The following CADM2 variants were observed in gnomAD, a reference collection of about 807,000 sequenced individuals.
CADM2 encodes cell adhesion molecule 2.
CADM2 carries 12 observed loss-of-function variants against 49.8 expected under a neutral mutation model. The ratio of observed to expected loss-of-function variants is 0.24; its 90% confidence interval spans 0.15 to 0.39. The LOEUF (loss-of-function observed/expected upper bound fraction) is 0.39. Ranked by LOEUF, CADM2 falls within the 10% of genes least tolerant of loss-of-function variation. The pLI is 1.00. For missense variants in CADM2, 378 were observed against 492.3 expected (o/e 0.77, Z 2.20); for synonymous variants, 214 against 175.4 (o/e 1.22, Z -1.74).
intron 1 of CADM2, among the ~76,000 whole-genome samples, chr3:85,517,058 C>T (rs890715594): frequency 1.3e-5 from 2 of 151,812 alleles, no homozygotes; most frequent in African/African-American, 4.8e-5. Context: ...AAGACAACTA[C>T]ACCACTCTGG....
intron 1 of CADM2, among the ~76,000 whole-genome samples, chr3:85,577,496 C>T (rs2062667799): frequency 6.6e-6 from 1 of 152,120 alleles, no homozygotes; most frequent in Admixed American, 6.5e-5. Flanking sequence ...CAGATGCAGC[C>T]CCCTCAACCT....
At chr3:84,962,662 A>G (rs916675106) in intron 1 of CADM2, among the ~76,000 whole-genome samples, 1 of 152,148 alleles carries the variant, frequency 6.6e-6, no homozygotes. Flanking sequence ...GCTAGTAGTT[A>G]TGACTAGGCA....
At chr3:85,328,900 C>CAA (rs11459054) in intron 1 of CADM2, among the ~76,000 whole-genome samples, 5,802 of 137,206 alleles carry the variant, frequency 0.042, 155 homozygotes, top group African/African-American at 0.064. Context: ...TGTCTTCCCT[C>CAA]AAAAAAAAAA....
At chr3:85,621,099 A>G (rs1199609271) in intron 1 of CADM2, among the ~76,000 whole-genome samples, 1 of 152,172 alleles carries the variant, frequency 6.6e-6, no homozygotes, top group African/African-American at 2.4e-5. Flanking sequence ...AAGTATAGTC[A>G]TATACCAATG....
chr3:85,615,224 G>A (rs763457710), intron 1 of CADM2, among the ~76,000 whole-genome samples: 3 of 151,632 alleles, frequency 2.0e-5, no homozygotes, highest in African/African-American at 4.8e-5. Flanking sequence ...GAGAGAGAGA[G>A]AAAGAGAGAA....
At chr3:85,494,047 A>G (rs2039784098) in intron 1 of CADM2, among the ~76,000 whole-genome samples, 1 of 152,212 alleles carries the variant, frequency 6.6e-6, no homozygotes, top group Non-Finnish European at 1.5e-5. Flanking sequence ...TTGGAGTCCC[A>G]ATACTTGTTA....
At chr3:85,224,195 G>A (rs959698501) in intron 1 of CADM2, among the ~76,000 whole-genome samples, 4 of 152,124 alleles carry the variant, frequency 2.6e-5, no homozygotes, top group African/African-American at 7.2e-5. Flanking sequence ...TTCCACAATG[G>A]TGGAACTAAT....
chr3:85,310,013 G>C (rs1463985648), intron 1 of CADM2, among the ~76,000 whole-genome samples: 1 of 152,148 alleles, frequency 6.6e-6, no homozygotes, highest in Admixed American at 6.5e-5. Context: ...ATTCTTCTTA[G>C]AGCTAAATTT....
chr3:85,906,791 CA>C (rs556506663), intron 5 of CADM2, among the ~76,000 whole-genome samples: 37 of 152,018 alleles, frequency 2.4e-4, no homozygotes, highest in Non-Finnish European at 4.9e-4. Flanking sequence ...CAGTTTAAAA[CA>C]AATACAAAAT....
At chr3:86,012,979 A>C in intron 8 of CADM2, 2 of 850,928 alleles carry the variant, frequency 2.4e-6, no homozygotes, top group Non-Finnish European at 3.9e-6. Context: ...TCTCAAAAAC[A>C]AAAACAAAAA....
intron 2 of CADM2, among the ~76,000 whole-genome samples, chr3:85,793,801 G>C (rs1291707965): frequency 2.0e-5 from 3 of 152,132 alleles, no homozygotes; most frequent in Non-Finnish European, 4.4e-5. Flanking sequence ...TATCACAGTT[G>C]TTTAGTCAGA....
intron 1 of CADM2, among the ~76,000 whole-genome samples, chr3:85,148,821 A>C (rs547267392): frequency 1.2e-4 from 19 of 152,180 alleles, no homozygotes; most frequent in Non-Finnish European, 2.6e-4. Flanking sequence ...CATTAAGTAT[A>C]AGCTGATACT....
chr3:85,311,388 T>TTATTA (rs776805946), intron 1 of CADM2, among the ~76,000 whole-genome samples: 104 of 148,578 alleles, frequency 7.0e-4, no homozygotes, highest in South Asian at 1.9e-3. Flanking sequence ...TATTATTATT[T>TTATTA]TTTTTGAAAC....
intron 1 of CADM2, among the ~76,000 whole-genome samples, chr3:85,348,255 G>T (rs2107226138): frequency 6.6e-6 from 1 of 151,880 alleles, no homozygotes; most frequent in East Asian, 1.9e-4. Context: ...CTCTAGGAAA[G>T]GCCATGCTTA....
At chr3:85,909,395 A>T (rs958329866) in intron 5 of CADM2, among the ~76,000 whole-genome samples, 31 of 113,672 alleles carry the variant, frequency 2.7e-4, no homozygotes, top group Non-Finnish European at 4.9e-4. Flanking sequence ...GAAAAATGTA[A>T]AATGAAATAT....
chr3:85,997,545 T>C lies in CADM2; in HGVS notation c.970+35898T>C, dbSNP rs189266216. On this transcript the variant is annotated intron_variant, in intron 8 of 9. Coordinates refer to ENST00000383699, the MANE Select transcript of CADM2 (RefSeq NM_001167675.2). ...ATTATAAGACAATGTCAAATAAAAA[T>C]AATAATTCATCTTTTTGGAAACAAC... Among the ~76,000 whole-genome samples, 420 of 152,252 alleles carry C rather than the reference T, an allele frequency of 2.8e-3. 1 individual carries two copies. The highest frequency in any genetic ancestry group is 9.9e-3 in the African/African-American group (411 of 41,560).
At chr3:85,264,588 C>T (rs1405565117) in intron 1 of CADM2, among the ~76,000 whole-genome samples, 1 of 151,880 alleles carries the variant, frequency 6.6e-6, no homozygotes, top group African/African-American at 2.4e-5. Flanking sequence ...GTGTTGCCAG[C>T]CAATTTAGGG....
intron 1 of CADM2, among the ~76,000 whole-genome samples, chr3:85,201,815 G>A (rs896715061): frequency 2.0e-5 from 3 of 152,056 alleles, no homozygotes; most frequent in African/African-American, 7.2e-5. Context: ...GGGCACAGTG[G>A]CTCACACCTG....
At chr3:85,579,758 C>T (rs1444207111) in intron 1 of CADM2, among the ~76,000 whole-genome samples, 2 of 151,884 alleles carry the variant, frequency 1.3e-5, no homozygotes, top group Admixed American at 6.6e-5. Context: ...CAATACAGGT[C>T]TCTAATTCAT....
Sources: gnomAD v4.1 joint callset for allele counts (sites outside exome capture counted in the v4.1 genomes callset) on GRCh38, gnomAD v4.1.1 for gene constraint, MANE v1.5 for transcripts, NCBI Gene and HGNC (gene_info 2026-07-23, HGNC 2026-07-21) for gene names.